The following GPR39 variants were observed in gnomAD, a reference collection of about 807,000 sequenced individuals.
GPR39 encodes the protein zinc sensing receptor.
In GPR39, 23 loss-of-function variants were observed where a neutral mutation model predicts 18.4. The observed-to-expected ratio is 1.25, with a 90% CI of 0.90 to 1.77. The LOEUF (loss-of-function observed/expected upper bound fraction) is 1.77. GPR39 is among the 40% of genes most tolerant of loss of function. GPR39 has a pLI of 0.00. For synonymous variants in GPR39, 280 were observed against 257.9 expected, an observed-to-expected ratio of 1.09 and a Z score of -0.82; for missense variants, 647 against 602.4, an observed-to-expected ratio of 1.07 and a Z score of -0.78.
At chr2:132,510,048 T>C (rs1274477850) in intron 1 of GPR39, among the ~76,000 whole-genome samples, 1 of 152,186 alleles carries the variant, frequency 6.6e-6, no homozygotes, top group Non-Finnish European at 1.5e-5. Flanking sequence ...TCTCTAACTA[T>C]GACTGAGAGG....
intron 1 of GPR39, among the ~76,000 whole-genome samples, chr2:132,530,209 C>G (rs1679589690): frequency 6.6e-6 from 1 of 152,072 alleles, no homozygotes; most frequent in South Asian, 2.1e-4. Context: ...GTGACAAATG[C>G]ACAAGCCTCA....
At chr2:132,585,948 G>GTTT (rs397985921) in intron 1 of GPR39, among the ~76,000 whole-genome samples, 8,693 of 62,814 alleles carry the variant, frequency 0.14, 949 homozygotes, top group Non-Finnish European at 0.16. Flanking sequence ...AGCATCCCCG[G>GTTT]TTTTTTTTTT....
intron 1 of GPR39, among the ~76,000 whole-genome samples, chr2:132,559,631 T>C (rs1200651271): frequency 6.6e-6 from 1 of 151,964 alleles, no homozygotes; most frequent in East Asian, 1.9e-4. Flanking sequence ...GGAGCTAACA[T>C]TGACACAGTC....
chr2:132,531,255 G>A lies in GPR39; in HGVS notation c.856+113357G>A, dbSNP rs1679623521. On this transcript the variant is annotated intron_variant, in intron 1 of 1. Coordinates refer to ENST00000329321, the MANE Select transcript of GPR39 (RefSeq NM_001508.3). ...ACCAACAAAGATCAAAAGAGACAAA[G>A]AAGGCCATTACATAATGGTAAAGGG... Among the ~76,000 whole-genome samples the A allele has an allele frequency of 2.6e-5, 4 of 152,168 alleles. No individual in the cohort carries two copies. In the South Asian group the frequency reaches 8.3e-4, roughly 32 times the overall value.
At chr2:132,592,649 G>T (rs1680868092) in intron 1 of GPR39, among the ~76,000 whole-genome samples, 1 of 152,180 alleles carries the variant, frequency 6.6e-6, no homozygotes, top group African/African-American at 2.4e-5. Context: ...GAGACTAAAG[G>T]GTCAGAGAGA....
intron 1 of GPR39, among the ~76,000 whole-genome samples, chr2:132,598,423 A>G (rs1226466336): frequency 7.9e-6 from 1 of 127,214 alleles, no homozygotes; most frequent in Non-Finnish European, 1.7e-5. Context: ...TGGCTGGTCT[A>G]AGGTGAACTT....
chr2:132,561,061 G>A (rs561959823), intron 1 of GPR39, among the ~76,000 whole-genome samples: 3 of 151,504 alleles, frequency 2.0e-5, no homozygotes, highest in East Asian at 1.9e-4. Context: ...CTACAGGAAC[G>A]TGCCACCATG....
intron 1 of GPR39, among the ~76,000 whole-genome samples, chr2:132,469,306 C>A (rs972036222): frequency 6.6e-6 from 1 of 152,194 alleles, no homozygotes; most frequent in Non-Finnish European, 1.5e-5. Flanking sequence ...GCAACTCATA[C>A]ATAATTTCCT....
chr2:132,570,974 A>C (rs532066144), intron 1 of GPR39, among the ~76,000 whole-genome samples: 1 of 152,330 alleles, frequency 6.6e-6, no homozygotes, highest in African/African-American at 2.4e-5. Context: ...TACGGCAGGC[A>C]TCCTGGGCAG....
At chr2:132,504,386 C>G (rs1196885839) in intron 1 of GPR39, among the ~76,000 whole-genome samples, 3 of 152,180 alleles carry the variant, frequency 2.0e-5, no homozygotes, top group Non-Finnish European at 4.4e-5. Flanking sequence ...AAAGAAGGAG[C>G]AAGCCACTGC....
intron 1 of GPR39, among the ~76,000 whole-genome samples, chr2:132,593,455 G>A (rs1680881250): frequency 6.6e-6 from 1 of 152,104 alleles, no homozygotes; most frequent in East Asian, 1.9e-4. Flanking sequence ...TATCAGACAT[G>A]GTCTGAGAGG....
intron 1 of GPR39, among the ~76,000 whole-genome samples, chr2:132,534,739 A>G (rs1353195729): frequency 6.6e-6 from 1 of 152,026 alleles, no homozygotes; most frequent in Non-Finnish European, 1.5e-5. Flanking sequence ...TATCGCAAGG[A>G]CAAAAAACTA....
chr2:132,534,063 G>A (rs1442880941), intron 1 of GPR39, among the ~76,000 whole-genome samples: 2 of 152,080 alleles, frequency 1.3e-5, no homozygotes, highest in Admixed American at 6.6e-5. Context: ...ACAACCTACA[G>A]AATGGGAGAA....
intron 1 of GPR39, among the ~76,000 whole-genome samples, chr2:132,619,554 A>G (rs995710213): frequency 2.0e-5 from 3 of 152,100 alleles, no homozygotes; most frequent in Non-Finnish European, 4.4e-5. Context: ...CTTCATTTCT[A>G]TGGGCAGGAA....
chr2:132,524,139 C>T (rs531610552), intron 1 of GPR39, among the ~76,000 whole-genome samples: 40 of 152,300 alleles, frequency 2.6e-4, no homozygotes, highest in African/African-American at 8.2e-4. Context: ...TCACCTCAGT[C>T]ACAGTGGCCA....
chr2:132,600,793 T>TAA (rs1025076199), intron 1 of GPR39, among the ~76,000 whole-genome samples: 2 of 148,812 alleles, frequency 1.3e-5, no homozygotes, highest in African/African-American at 4.9e-5. Context: ...TGTTGTTGTT[T>TAA]AAAAAAAAAA....
intron 1 of GPR39, among the ~76,000 whole-genome samples, chr2:132,531,885 C>T: frequency 6.6e-6 from 1 of 152,074 alleles, no homozygotes; most frequent in Non-Finnish European, 1.5e-5. Flanking sequence ...TAAATGCCCA[C>T]AAGAGAAAGC....
intron 1 of GPR39, among the ~76,000 whole-genome samples, chr2:132,634,882 GC>G (rs1195800511): frequency 2.0e-5 from 3 of 152,176 alleles, no homozygotes; most frequent in Non-Finnish European, 4.4e-5. Flanking sequence ...ACCCCATAGG[GC>G]CATCACAGAC....
rs570538627 is a variant in GPR39, at chr2:132,530,921, A to C, written c.856+113023A>C. On this transcript the variant is annotated intron_variant, in intron 1 of 1. Coordinates refer to ENST00000329321, the MANE Select transcript of GPR39 (RefSeq NM_001508.3). Reference sequence around the variant, plus strand: ...AACATGCCAAATTGTAAAGACCATCAAGGCTAGGAAGAAACTGCATCAACT... The same window carrying C: ...AACATGCCAAATTGTAAAGACCATCCAGGCTAGGAAGAAACTGCATCAACT... Among the ~76,000 whole-genome samples, 26 of 152,308 alleles carry C rather than the reference A, an allele frequency of 1.7e-4. 1 individual carries two copies. In the South Asian group the frequency reaches 2.5e-3, roughly 15 times the overall value.
Sources: gnomAD v4.1 joint callset for allele counts (sites outside exome capture counted in the v4.1 genomes callset) on GRCh38, gnomAD v4.1.1 for gene constraint, MANE v1.5 for transcripts, NCBI Gene and HGNC (gene_info 2026-07-23, HGNC 2026-07-21) for gene names.